Variants in FGF12 observed in about 807,000 individuals in gnomAD.
FGF12 encodes the protein fibroblast growth factor 12.
A neutral mutation model predicts 23.6 loss-of-function variants in FGF12; 14 were observed. That is an observed-to-expected ratio of 0.59 (90% confidence interval 0.39 to 0.93). FGF12 has a LOEUF of 0.93. Among genes scored for constraint, FGF12 ranks in the 40% least tolerant of loss-of-function variants. The pLI is 0.00. For synonymous variants in FGF12, 62 were observed against 77.3 expected, an observed-to-expected ratio of 0.80 and a Z score of 1.04; for missense variants, 175 against 217.8, an observed-to-expected ratio of 0.80 and a Z score of 1.24.
At chr3:192,182,022 A>G (rs1291191163) in intron 4 of FGF12, among the ~76,000 whole-genome samples, 1 of 152,224 alleles carries the variant, frequency 6.6e-6, no homozygotes, top group Non-Finnish European at 1.5e-5. Context: ...AATATAAATG[A>G]TTTTTAAAAC....
chr3:192,410,934 G>A (rs753466201), intron 2 of FGF12, among the ~76,000 whole-genome samples: 6 of 152,120 alleles, frequency 3.9e-5, no homozygotes, highest in Admixed American at 6.5e-5. Flanking sequence ...GTCTGGGAGC[G>A]GCTATTGGTT....
In FGF12 at chr3:192,140,593, T is replaced by A. The variant is rs185150210; in HGVS notation, c.*3416A>T. On this transcript the variant is annotated 3_prime_UTR_variant, in exon 6 of 6. Transcript: ENST00000445105. ...TGTCCTTACTCTTGTCTTAATACTC[T>A]CATCTCCCACTAGTGGCACCGCAGG... 3 of 152,154 alleles carry A rather than the reference T, an allele frequency of 2.0e-5. No individual in the cohort carries two copies. In the East Asian group the frequency reaches 5.8e-4, roughly 29 times the overall value. 9.4% of individuals were successfully genotyped at this position (152,154 alleles called of 1,614,324 possible).
chr3:192,260,968 G>C (rs4687303), intron 4 of FGF12, among the ~76,000 whole-genome samples: 51,299 of 151,852 alleles, frequency 0.34, 9,752 homozygotes, highest in East Asian at 0.89. Flanking sequence ...GTTTTATCTG[G>C]ATCAGATGTA....
At chr3:192,171,010 AC>A (rs1715530924) in intron 4 of FGF12, among the ~76,000 whole-genome samples, 1 of 152,198 alleles carries the variant, frequency 6.6e-6, no homozygotes, top group Admixed American at 6.5e-5. Flanking sequence ...TAAATAAGGA[AC>A]TAAAATTTAT....
intron 4 of FGF12, among the ~76,000 whole-genome samples, chr3:192,252,545 T>G (rs1712104094): frequency 7.0e-6 from 1 of 143,610 alleles, no homozygotes; most frequent in Non-Finnish European, 1.5e-5. Context: ...AAAAGAAAAG[T>G]CTTCTCCAAC....
At chr3:192,278,565 T>C (rs755243661) in intron 4 of FGF12, among the ~76,000 whole-genome samples, 5 of 152,092 alleles carry the variant, frequency 3.3e-5, no homozygotes, top group Non-Finnish European at 7.4e-5. Flanking sequence ...ACTTCTAGAA[T>C]AGATGTGGGC....
intron 2 of FGF12, among the ~76,000 whole-genome samples, chr3:192,661,743 TC>T (rs1716679838): frequency 6.6e-6 from 1 of 152,178 alleles, no homozygotes; most frequent in South Asian, 2.1e-4. Context: ...ATTACCATGT[TC>T]CAGACAAAAT....
At chr3:192,443,648 G>A (rs938628298) in intron 2 of FGF12, among the ~76,000 whole-genome samples, 3 of 152,162 alleles carry the variant, frequency 2.0e-5, no homozygotes, top group African/African-American at 4.8e-5. Flanking sequence ...AGTTCAAAAT[G>A]TCTCTCAATA....
intron 2 of FGF12, among the ~76,000 whole-genome samples, chr3:192,613,782 C>T (rs775594371): frequency 6.6e-6 from 1 of 151,898 alleles, no homozygotes; most frequent in Non-Finnish European, 1.5e-5. Context: ...AAAATGAAAT[C>T]TTTGATTAGT....
intron 2 of FGF12, among the ~76,000 whole-genome samples, chr3:192,448,001 A>G (rs1233236006): frequency 6.6e-6 from 1 of 152,148 alleles, no homozygotes; most frequent in Admixed American, 6.5e-5. Flanking sequence ...CTTTCGCCCA[A>G]TGTTATGTCT....
At chr3:192,660,744 CT>C (rs935347969) in intron 2 of FGF12, among the ~76,000 whole-genome samples, 1 of 151,996 alleles carries the variant, frequency 6.6e-6, no homozygotes, top group Non-Finnish European at 1.5e-5. Context: ...ACTAATAGAC[CT>C]CCTAAAAATT....
At chr3:192,630,061 T>A (rs978872722) in intron 2 of FGF12, among the ~76,000 whole-genome samples, 10 of 152,106 alleles carry the variant, frequency 6.6e-5, no homozygotes, top group African/African-American at 2.4e-4. Flanking sequence ...TTTCACACCA[T>A]CCCCTTGGTG....
At chr3:192,312,685 T>C (rs1444386432) in intron 4 of FGF12, among the ~76,000 whole-genome samples, 1 of 150,986 alleles carries the variant, frequency 6.6e-6, no homozygotes, top group African/African-American at 2.4e-5. Flanking sequence ...CCGTGGAGCT[T>C]GCCGTGAGCC....
intron 2 of FGF12, among the ~76,000 whole-genome samples, chr3:192,439,664 G>C (rs930787286): frequency 2.0e-4 from 30 of 152,136 alleles, no homozygotes; most frequent in African/African-American, 6.7e-4. Flanking sequence ...CTGTGAGCCA[G>C]AGAGGTACAT....
At chr3:192,689,724 G>C (rs868556384) in intron 2 of FGF12, among the ~76,000 whole-genome samples, 3 of 151,992 alleles carry the variant, frequency 2.0e-5, no homozygotes, top group South Asian at 2.1e-4. Context: ...AACAGAGAGA[G>C]AAAGGGACAG....
At chr3:192,185,116 T>C (rs1716380928) in intron 4 of FGF12, among the ~76,000 whole-genome samples, 1 of 152,224 alleles carries the variant, frequency 6.6e-6, no homozygotes, top group Non-Finnish European at 1.5e-5. Flanking sequence ...CTTCACAAAA[T>C]TGCCTCTGAT....
At chr3:192,220,515 T>C (rs1297715762) in intron 4 of FGF12, among the ~76,000 whole-genome samples, 1 of 152,188 alleles carries the variant, frequency 6.6e-6, no homozygotes, top group Non-Finnish European at 1.5e-5. Flanking sequence ...TTCTGAAGCC[T>C]TCCTTGATCC....
At chr3:192,184,649 T>A (rs1463628426) in intron 4 of FGF12, among the ~76,000 whole-genome samples, 2 of 152,246 alleles carry the variant, frequency 1.3e-5, no homozygotes, top group African/African-American at 2.4e-5. Flanking sequence ...ATGCTATCAA[T>A]GCACATTTTG....
At chr3:192,276,910 T>C (rs762903222) in intron 4 of FGF12, among the ~76,000 whole-genome samples, 2 of 152,072 alleles carry the variant, frequency 1.3e-5, no homozygotes, top group Non-Finnish European at 2.9e-5. Flanking sequence ...TCTTACTGAG[T>C]TTCCCTACTC....
Sources: gnomAD v4.1 joint callset for allele counts (sites outside exome capture counted in the v4.1 genomes callset) on GRCh38, gnomAD v4.1.1 for gene constraint, MANE v1.5 for transcripts, NCBI Gene and HGNC (gene_info 2026-07-23, HGNC 2026-07-21) for gene names.